The following CFAP52 variants were observed in gnomAD, a reference collection of about 807,000 sequenced individuals.
CFAP52 encodes cilia and flagella associated protein 52, also known as cilia- and flagella-associated protein 52.
A neutral mutation model predicts 70.5 loss-of-function variants in CFAP52; 57 were observed. The observed-to-expected ratio is 0.81, with a 90% CI of 0.65 to 1.01. CFAP52 has a LOEUF of 1.01. CFAP52 is among the 50% of genes least tolerant of loss of function. The probability of loss-of-function intolerance (pLI) is 0.00; values close to 1 mark genes in which losing one functional copy is unlikely to be tolerated. For synonymous variants in CFAP52, 267 were observed against 292.5 expected (o/e 0.91, Z 0.89); for missense variants, 785 against 788.5 (o/e 1.00, Z 0.05).
chr17:9,587,649 G>T (rs1285418974), intron 3 of CFAP52, among the ~76,000 whole-genome samples: 2 of 152,050 alleles, frequency 1.3e-5, no homozygotes, highest in Non-Finnish European at 2.9e-5. Context: ...TCATATGCTT[G>T]TTGGCTGCAT....
intron 8 of CFAP52, among the ~76,000 whole-genome samples, chr17:9,614,627 A>T (rs1411150600): frequency 1.3e-5 from 2 of 152,206 alleles, no homozygotes; most frequent in East Asian, 1.9e-4. Context: ...TTTATTTATT[A>T]AAAAAAGGAC....
intron 8 of CFAP52, among the ~76,000 whole-genome samples, chr17:9,614,433 GGCGTGA>G (rs1909831400): frequency 6.6e-6 from 1 of 152,134 alleles, no homozygotes; most frequent in Admixed American, 6.5e-5. Context: ...TGGGATTACA[GGCGTGA>G]GCCACCACGC....
chr17:9,614,153 CTTTCTT>C (rs1450148330), intron 8 of CFAP52, among the ~76,000 whole-genome samples: 7 of 117,520 alleles, frequency 6.0e-5, no homozygotes, highest in African/African-American at 1.3e-4. Context: ...TCTTTTCTTT[CTTTCTT>C]TTTTTTTTTT....
downstream of CFAP52, among the ~76,000 whole-genome samples, chr17:9,644,284 T>C (rs1224409637): frequency 6.6e-6 from 1 of 152,142 alleles, no homozygotes; most frequent in Non-Finnish European, 1.5e-5. Flanking sequence ...TTTGTATTTT[T>C]AGTCGAGACG....
Position 9,584,434 on chromosome 17 carries a change from A to G in CFAP52, c.71-1339A>G, listed in dbSNP as rs1195771581. On this transcript the variant is annotated intron_variant, in intron 1 of 13. Coordinates refer to ENST00000352665, the MANE Select transcript of CFAP52 (RefSeq NM_145054.5). ...TATTTTCCTGGTTATATTGAGGCAT[A>G]CTTGACATATTAAGGTTGTATCAAT... 5 of 1,184,726 alleles carry G rather than the reference A, an allele frequency of 4.2e-6. 1 individual carries two copies. In the South Asian group the frequency reaches 7.0e-5, roughly 17 times the overall value. 73.4% of individuals were successfully genotyped at this position (1,184,726 alleles called of 1,614,324 possible). A position where few individuals can be genotyped will look rare whatever the true frequency, so the allele number is the denominator to read the frequency against.
intron 12 of CFAP52, among the ~76,000 whole-genome samples, chr17:9,640,389 T>C (rs542055331): frequency 0.014 from 2,111 of 150,778 alleles, 20 homozygotes; most frequent in Non-Finnish European, 0.025. Context: ...ATGCTCTTCC[T>C]CCCCCCACCC....
Position 9,621,903 on chromosome 17 carries a change from T to G in CFAP52, c.1026-6769T>G, listed in dbSNP as rs577000912. 2.0e-5 allele frequency among the ~76,000 whole-genome samples: 3 copies of G among 148,830 alleles called. No homozygotes were observed. The Admixed American group carries it at 2.0e-4, about 10-fold the overall frequency. ...TAGCATTGGGAGATATACCTAATGC[T>G]AGATGACACGTTAGTGGGTGCAGCG... is the stretch of plus-strand genomic sequence containing the variant. On this transcript the variant is annotated intron_variant, in intron 8 of 13. Coordinates refer to ENST00000352665, the MANE Select transcript of CFAP52 (RefSeq NM_145054.5).
intron 1 of CFAP52, among the ~76,000 whole-genome samples, chr17:9,584,872 C>G (rs1008024794): frequency 1.3e-5 from 2 of 152,116 alleles, no homozygotes; most frequent in Non-Finnish European, 2.9e-5. Flanking sequence ...ATCCGCCTGC[C>G]TCGGCCTCCC....
chr17:9,615,853 T>A (rs1020984255), intron 8 of CFAP52, among the ~76,000 whole-genome samples: 1 of 141,354 alleles, frequency 7.1e-6, no homozygotes, highest in Non-Finnish European at 1.5e-5. Context: ...TTGCCCAAGC[T>A]GGTTTTCAAC....
At chr17:9,603,399 C>T (rs1042023980) in intron 6 of CFAP52, among the ~76,000 whole-genome samples, 79 of 152,098 alleles carry the variant, frequency 5.2e-4, no homozygotes, top group African/African-American at 1.7e-3. Flanking sequence ...TTAGTAGAGA[C>T]GGGGTTTCAC....
intron 3 of CFAP52, among the ~76,000 whole-genome samples, chr17:9,588,282 G>A (rs1310393346): frequency 6.6e-6 from 1 of 152,186 alleles, no homozygotes; most frequent in Admixed American, 6.5e-5. Flanking sequence ...CTGTGCAGGT[G>A]CCCTGGCGCC....
At chr17:9,596,061 A>ATG (rs71135995) in intron 4 of CFAP52, among the ~76,000 whole-genome samples, 1,352 of 50,700 alleles carry the variant, frequency 0.027, 33 homozygotes, top group East Asian at 0.14. Flanking sequence ...ATGTGTGTGT[A>ATG]TATATATATA....
intron 12 of CFAP52, 93 bp downstream of exon 12, chr17:9,638,804 A>T: frequency 8.1e-7 from 1 of 1,228,622 alleles, no homozygotes; most frequent in Non-Finnish European, 1.2e-6. Context: ...GAGTCAAACC[A>T]CCTTGTTTCC....
chr17:9,587,709 G>C (rs1251781271), intron 3 of CFAP52, among the ~76,000 whole-genome samples: 6 of 152,048 alleles, frequency 3.9e-5, no homozygotes, highest in Non-Finnish European at 5.9e-5. Context: ...CTTTTTAATG[G>C]AGTTTTTGTT....
chr17:9,630,946 A>G (rs1391358509), intron 9 of CFAP52, among the ~76,000 whole-genome samples: 1 of 148,236 alleles, frequency 6.7e-6, no homozygotes, highest in South Asian at 2.2e-4. Context: ...AGATCGCACC[A>G]CTGCACTCCA....
In CFAP52 at chr17:9,585,815, A is replaced by G. The variant is rs1908440069; in HGVS notation, c.113A>G (p.His38Arg). The change falls in exon 2 of 14, where the codon CAT becomes CGT. Residue 38 changes from histidine (H) to arginine (R), a missense_variant. Transcript: ENST00000352665. ...CTCAAATGCCATCCTGACCAGGAGC[A>G]TATGATTTATCCTCTTGGTTGCACA... ...TGLKCHPDQE[H>R]MIYPLGCTVL... 1 of 1,614,154 alleles carries G rather than the reference A, an allele frequency of 6.2e-7. No individual in the cohort carries two copies. Among genetic ancestry groups the G allele is most frequent in the Non-Finnish European group, 8.5e-7 (1 of 1,180,022 alleles).
intron 9 of CFAP52, among the ~76,000 whole-genome samples, chr17:9,631,413 A>G (rs1358220300): frequency 6.6e-6 from 1 of 152,162 alleles, no homozygotes; most frequent in Non-Finnish European, 1.5e-5. Flanking sequence ...CTTTGCTGAA[A>G]TGGGATCTAC....
intron 5 of CFAP52, 45 bp downstream of exon 5, chr17:9,598,378 T>C (rs1024069167): frequency 6.6e-7 from 1 of 1,522,020 alleles, no homozygotes; most frequent in Non-Finnish European, 9.1e-7. Context: ...CACACGTTCC[T>C]GTTAGCAGTG....
chr17:9,600,200 G>A lies in CFAP52; in HGVS notation c.753+17G>A, dbSNP rs574264673. The A allele has an allele frequency of 4.6e-5, 74 of 1,598,452 alleles. No homozygotes were observed. The highest frequency in any genetic ancestry group is 5.7e-5 in the Non-Finnish European group (67 of 1,166,886). ...TTCAGTTTGGTGAGTAGAGACCATC[G>A]CCACTGCCCTGCCATTTTTCTCCCT... On this transcript the variant is annotated intron_variant, in intron 6 of 13. Transcript: ENST00000352665.
Sources: gnomAD v4.1 joint callset for allele counts (sites outside exome capture counted in the v4.1 genomes callset) on GRCh38, gnomAD v4.1.1 for gene constraint, MANE v1.5 for transcripts, NCBI Gene and HGNC (gene_info 2026-07-23, HGNC 2026-07-21) for gene names.